The following CHIC2 variants were observed in gnomAD, a reference collection of about 807,000 sequenced individuals.
The protein encoded by CHIC2 is cysteine rich hydrophobic domain 2, also known as cysteine-rich hydrophobic domain-containing protein 2.
In CHIC2, 14 loss-of-function variants were observed where a neutral mutation model predicts 25.9. The ratio of observed to expected loss-of-function variants is 0.54; its 90% CI spans 0.36 to 0.85. The LOEUF (loss-of-function observed/expected upper bound fraction) is 0.85, where lower values mean the gene tolerates loss of function less well. CHIC2 is among the 40% of genes least tolerant of loss of function. The pLI, the probability that CHIC2 is intolerant of heterozygous loss-of-function variation, is 0.01. For missense variants in CHIC2, 146 were observed against 202.0 expected (o/e 0.72, Z 1.68); for synonymous variants, 70 against 72.0 (o/e 0.97, Z 0.14).
At chr4:54,063,889 G>A (rs574317409) in intron 1 of CHIC2, among the ~76,000 whole-genome samples, 7 of 152,362 alleles carry the variant, frequency 4.6e-5, no homozygotes, top group Admixed American at 6.5e-5. Flanking sequence ...CCACCCTGAA[G>A]AGGAAGGGTG....
the CHIC2 span, among the ~76,000 whole-genome samples, chr4:54,083,089 C>G: frequency 7.9e-6 from 1 of 126,848 alleles, no homozygotes; most frequent in Non-Finnish European, 1.6e-5. Context: ...GATCTCGGCT[C>G]ACTGCAACCT....
At chr4:54,053,275 G>A (rs1346057922) in intron 1 of CHIC2, among the ~76,000 whole-genome samples, 4 of 152,096 alleles carry the variant, frequency 2.6e-5, no homozygotes, top group Admixed American at 1.3e-4. Context: ...TTCCTACCCT[G>A]GCTGGGTGTG....
intron 3 of CHIC2, among the ~76,000 whole-genome samples, chr4:54,014,759 T>G (rs1242914668): frequency 6.6e-6 from 1 of 152,164 alleles, no homozygotes; most frequent in Non-Finnish European, 1.5e-5. Flanking sequence ...GAGAATTTAC[T>G]TCAGTTGATT....
At chr4:54,068,413 T>C (rs1717558817), upstream of CHIC2, among the ~76,000 whole-genome samples, 1 of 152,126 alleles carries the variant, frequency 6.6e-6, no homozygotes, top group African/African-American at 2.4e-5. Context: ...AAGACAACCA[T>C]ATACAAGGAC....
chr4:54,089,614 C>G, the CHIC2 span, among the ~76,000 whole-genome samples: 1 of 152,122 alleles, frequency 6.6e-6, no homozygotes, highest in African/African-American at 2.4e-5. Flanking sequence ...GGTTAAATTA[C>G]AGCATTCATT....
upstream of CHIC2, among the ~76,000 whole-genome samples, chr4:54,069,051 A>AGTTATTTATTT (rs1233048204): frequency 6.6e-6 from 1 of 152,146 alleles, no homozygotes; most frequent in African/African-American, 2.4e-5. Context: ...GCAGTCCAAT[A>AGTTATTTATTT]GTTATTTATT....
intron 3 of CHIC2, among the ~76,000 whole-genome samples, chr4:54,043,420 CAAAAAAA>C (rs902677237): frequency 5.0e-4 from 28 of 55,894 alleles, no homozygotes; most frequent in South Asian, 1.3e-3. Flanking sequence ...GACTCCATTT[CAAAAAAA>C]AAAAAAAAAA....
At chr4:54,079,600 G>A in the CHIC2 span, among the ~76,000 whole-genome samples, 3 of 151,916 alleles carry the variant, frequency 2.0e-5, no homozygotes, top group East Asian at 5.8e-4. Flanking sequence ...TTAAAGATAG[G>A]CAAAGGACCA....
intron 3 of CHIC2, among the ~76,000 whole-genome samples, chr4:54,025,886 A>G (rs1716044274): frequency 6.6e-6 from 1 of 152,090 alleles, no homozygotes; most frequent in Admixed American, 6.5e-5. Flanking sequence ...ATTGTTTTAA[A>G]AAACAAGAAG....
the CHIC2 span, among the ~76,000 whole-genome samples, chr4:54,070,117 G>A: frequency 6.6e-6 from 1 of 152,216 alleles, no homozygotes; most frequent in Non-Finnish European, 1.5e-5. Context: ...AGGTAGGGAA[G>A]TAGAGAGAAG....
chr4:54,036,810 G>T (rs933249054), intron 3 of CHIC2, among the ~76,000 whole-genome samples: 1 of 131,308 alleles, frequency 7.6e-6, no homozygotes, highest in African/African-American at 3.2e-5. Flanking sequence ...AGAAAGGAAA[G>T]GAAGCTAAAC....
At chr4:54,038,846 A>G (rs1405073909) in intron 3 of CHIC2, among the ~76,000 whole-genome samples, 2 of 152,048 alleles carry the variant, frequency 1.3e-5, no homozygotes, top group Non-Finnish European at 2.9e-5. Context: ...ACACAGCAAG[A>G]CCCTGTCTCC....
Position 54,064,493 on chromosome 4 carries a change from G to C in CHIC2, c.-193C>G. Reference sequence around the variant, plus strand: ...CTGGACCGTCGCCGCCACCGCCGCCGCCATTACCATCAGCAATAACAACAA... The same window carrying C: ...CTGGACCGTCGCCGCCACCGCCGCCCCCATTACCATCAGCAATAACAACAA... On this transcript the variant is annotated 5_prime_UTR_variant, in exon 1 of 6. Coordinates refer to ENST00000263921, the MANE Select transcript of CHIC2 (RefSeq NM_012110.4). This position sits in a 1 kb window ranked among gnomAD's most constrained non-coding sequence, Gnocchi z 4.2. The C allele has an allele frequency of 2.1e-6, 3 of 1,439,448 alleles. No homozygotes were observed. The highest frequency in any genetic ancestry group is 2.7e-6 in the Non-Finnish European group (3 of 1,104,652). 89.2% of individuals were successfully genotyped at this position (1,439,448 alleles called of 1,614,324 possible). A position where few individuals can be genotyped will look rare whatever the true frequency, so the allele number is the denominator to read the frequency against.
intron 1 of CHIC2, among the ~76,000 whole-genome samples, chr4:54,050,207 T>C (rs1716961185): frequency 6.6e-6 from 1 of 152,090 alleles, no homozygotes; most frequent in African/African-American, 2.4e-5. Context: ...CGAGACCAAT[T>C]TTACTTTTAT....
chr4:54,012,906 A>G (rs1715635882), intron 5 of CHIC2, among the ~76,000 whole-genome samples: 1 of 152,250 alleles, frequency 6.6e-6, no homozygotes, highest in East Asian at 1.9e-4. Context: ...GACAAAAATG[A>G]TTTTATGATA....
chr4:54,069,167 G>A (rs535972591), upstream of CHIC2, among the ~76,000 whole-genome samples: 1 of 152,206 alleles, frequency 6.6e-6, no homozygotes, highest in South Asian at 2.1e-4. Context: ...AGCTGGGAAT[G>A]CAGGCATGCA....
intron 3 of CHIC2, among the ~76,000 whole-genome samples, chr4:54,046,582 A>G (rs1286822607): frequency 6.6e-6 from 1 of 152,210 alleles, no homozygotes; most frequent in Non-Finnish European, 1.5e-5. Flanking sequence ...GTGCTGGGAA[A>G]ACTGGCTAGC....
the CHIC2 span, among the ~76,000 whole-genome samples, chr4:54,081,919 A>G: frequency 7.2e-5 from 11 of 152,182 alleles, no homozygotes; most frequent in Non-Finnish European, 1.6e-4. Context: ...TTTGAATAGC[A>G]ATTTAAAGAT....
chr4:54,045,445 T>C (rs371669708), intron 3 of CHIC2, among the ~76,000 whole-genome samples: 1 of 152,124 alleles, frequency 6.6e-6, no homozygotes, highest in East Asian at 1.9e-4. Context: ...AAAAAGCTTA[T>C]CCACCATGAT....
Sources: allele counts gnomAD v4.1 joint callset (sites outside exome capture counted in the v4.1 genomes callset), GRCh38; gene constraint gnomAD v4.1.1; non-coding constraint Gnocchi (gnomAD v3.1); transcripts MANE v1.5; gene names NCBI Gene and HGNC (gene_info 2026-07-23, HGNC 2026-07-21).